Variants in COL5A2 observed in about 807,000 individuals in gnomAD.
COL5A2 encodes the protein collagen type V alpha 2 chain, also known as collagen alpha-2(V) chain.
Under a neutral mutation model 208.2 loss-of-function variants are expected in COL5A2, and 23 were observed. That is an observed-to-expected ratio of 0.11 (90% CI 0.08 to 0.16). COL5A2 has a LOEUF of 0.16. Ranked by LOEUF, COL5A2 falls within the 10% of genes least tolerant of loss-of-function variation. The pLI is 1.00. For synonymous variants in COL5A2, 625 were observed against 628.5 expected (o/e 0.99, Z 0.08); for missense variants, 1,590 against 1,956.4 (o/e 0.81, Z 3.53).
chr2:189,326,589 A>C, the COL5A2 span, among the ~76,000 whole-genome samples: 2 of 151,990 alleles, frequency 1.3e-5, no homozygotes, highest in African/African-American at 4.8e-5. Context: ...GCTACCCAGA[A>C]GGCTGAAGTG....
At chr2:189,062,356 G>T (rs1252622674) in intron 29 of COL5A2, among the ~76,000 whole-genome samples, 1 of 151,702 alleles carries the variant, frequency 6.6e-6, no homozygotes, top group African/African-American at 2.4e-5. Context: ...GCTAATTTTT[G>T]TATTTTTAAT....
the COL5A2 span, among the ~76,000 whole-genome samples, chr2:189,419,052 C>T: frequency 0.013 from 1,968 of 152,226 alleles, 53 homozygotes; most frequent in African/African-American, 0.045. Context: ...TACACAGAGC[C>T]CATCAGGAAA....
At chr2:189,254,305 C>T in the COL5A2 span, among the ~76,000 whole-genome samples, 36 of 152,286 alleles carry the variant, frequency 2.4e-4, no homozygotes, top group South Asian at 1.7e-3. Flanking sequence ...TGAGTCACAT[C>T]ACATTTCACT....
chr2:189,437,246 CAACT>C, the COL5A2 span, among the ~76,000 whole-genome samples: 1 of 152,248 alleles, frequency 6.6e-6, no homozygotes, highest in South Asian at 2.1e-4. Flanking sequence ...TGGGAGGCAC[CAACT>C]GAGAGCCATT....
chr2:189,432,378 C>A, the COL5A2 span, among the ~76,000 whole-genome samples: 1 of 152,118 alleles, frequency 6.6e-6, no homozygotes, highest in Non-Finnish European at 1.5e-5. Context: ...TTAAAAGACA[C>A]GGACTGGCAA....
chr2:189,298,718 T>C, the COL5A2 span, among the ~76,000 whole-genome samples: 2 of 152,166 alleles, frequency 1.3e-5, no homozygotes, highest in Non-Finnish European at 2.9e-5. Context: ...TCTTTATGAG[T>C]GACTCTCTTA....
chr2:189,212,661 C>T lies in COL5A2; in HGVS notation c.-42+12487G>A, dbSNP rs992405568. On this transcript the variant is annotated intron_variant, in intron 1 of 10. Coordinates refer to the COL5A2 transcript ENST00000649966. Reference sequence around the variant, plus strand: ...CTCAAAAAAAAAAAAAAGTATCTGCCAGGGCTCTCCTCCAGCACAGGCCCC... The same window carrying T: ...CTCAAAAAAAAAAAAAAGTATCTGCTAGGGCTCTCCTCCAGCACAGGCCCC... Among the ~76,000 whole-genome samples the T allele has an allele frequency of 5.3e-5, 8 of 150,818 alleles. No individual in the cohort carries two copies. In the East Asian group the frequency reaches 1.6e-3, roughly 29 times the overall value.
At chr2:189,162,391 A>C (rs1688384455) in intron 1 of COL5A2, among the ~76,000 whole-genome samples, 2 of 152,202 alleles carry the variant, frequency 1.3e-5, no homozygotes, top group Non-Finnish European at 1.5e-5. Flanking sequence ...TGAAATCTCC[A>C]TCATTTGAGA....
chr2:189,070,497 A>G (rs1298097979), intron 18 of COL5A2, among the ~76,000 whole-genome samples: 1 of 152,232 alleles, frequency 6.6e-6, no homozygotes, highest in Non-Finnish European at 1.5e-5. Context: ...AATTTCTAAC[A>G]GAAACAGTTT....
chr2:189,034,251 T>G, intron 53 of COL5A2, 35 bp from the exon 54 acceptor site: 1 of 1,612,820 alleles, frequency 6.2e-7, no homozygotes, highest in African/African-American at 1.3e-5. Flanking sequence ...TAAATGTACA[T>G]ACAATTTTTT....
chr2:189,245,554 G>A, the COL5A2 span, among the ~76,000 whole-genome samples: 2 of 148,476 alleles, frequency 1.3e-5, no homozygotes, highest in East Asian at 2.0e-4. Context: ...GCGCGATCTC[G>A]GCTCACTGCA....
At chr2:189,059,524 C>T (rs1276762794) in intron 31 of COL5A2, among the ~76,000 whole-genome samples, 1 of 148,498 alleles carries the variant, frequency 6.7e-6, no homozygotes, top group African/African-American at 2.5e-5. Context: ...TCACTGTGGC[C>T]TGATCTCCCT....
At chr2:189,036,005 G>A (rs1685436727) in intron 52 of COL5A2, among the ~76,000 whole-genome samples, 1 of 151,874 alleles carries the variant, frequency 6.6e-6, no homozygotes, top group African/African-American at 2.4e-5. Flanking sequence ...AATGCCTTAA[G>A]TTTAAATAAT....
intron 10 of COL5A2, 145 bp downstream of exon 10, chr2:189,085,574 C>T (rs963848975): frequency 2.8e-5 from 19 of 687,172 alleles, no homozygotes; most frequent in Non-Finnish European, 4.5e-5. Context: ...AGCTTAAGAA[C>T]AGTTCATAGA....
intron 1 of COL5A2, among the ~76,000 whole-genome samples, chr2:189,199,239 A>C (rs1285774210): frequency 6.6e-6 from 1 of 152,210 alleles, no homozygotes; most frequent in Non-Finnish European, 1.5e-5. Context: ...ATTCATGTTT[A>C]GCAAAGATTT....
At chr2:189,349,305 T>C in the COL5A2 span, among the ~76,000 whole-genome samples, 1 of 152,134 alleles carries the variant, frequency 6.6e-6, no homozygotes, top group Non-Finnish European at 1.5e-5. Flanking sequence ...ACAAACAAAC[T>C]GAATGTATGC....
chr2:189,311,526 G>A, the COL5A2 span: 2 of 1,190,112 alleles, frequency 1.7e-6, no homozygotes, highest in Non-Finnish European at 2.4e-6. Flanking sequence ...TCCAGGTGCA[G>A]CAGGATCCTG....
chr2:189,167,250 G>C (rs1159715651), intron 1 of COL5A2, among the ~76,000 whole-genome samples: 4 of 152,130 alleles, frequency 2.6e-5, no homozygotes, highest in Non-Finnish European at 5.9e-5. Context: ...TTTACAAGAT[G>C]TATTTATATG....
intron 19 of COL5A2, 142 bp downstream of exon 19, chr2:189,068,644 A>G (rs908500347): frequency 5.9e-6 from 4 of 681,438 alleles, no homozygotes; most frequent in Non-Finnish European, 1.1e-5. Flanking sequence ...TACACATCTT[A>G]GGCATATAAC....
Sources: allele counts gnomAD v4.1 joint callset (sites outside exome capture counted in the v4.1 genomes callset), GRCh38; gene constraint gnomAD v4.1.1; transcripts MANE v1.5; gene names NCBI Gene and HGNC (gene_info 2026-07-23, HGNC 2026-07-21).